The following C10orf90 variants were observed in gnomAD, a reference collection of about 807,000 sequenced individuals.
The protein encoded by C10orf90 is chromosome 10 open reading frame 90, also known as (E2-independent) E3 ubiquitin-conjugating enzyme FATS.
Under a neutral mutation model 62.5 loss-of-function variants are expected in C10orf90, and 56 were observed. The observed-to-expected ratio is 0.90, with a 90% CI of 0.72 to 1.12. The LOEUF is 1.12. Ranked by LOEUF, C10orf90 falls within the 50% of genes most tolerant of loss-of-function variation. The probability of loss-of-function intolerance (pLI) is 0.00; values close to 1 mark genes in which losing one functional copy is unlikely to be tolerated. For missense variants in C10orf90, 970 were observed against 880.4 expected (o/e 1.10, Z -1.29); for synonymous variants, 386 against 340.4 (o/e 1.13, Z -1.47).
At chr10:126,641,685 C>A (rs1020446411) in intron 2 of C10orf90, among the ~76,000 whole-genome samples, 1 of 152,004 alleles carries the variant, frequency 6.6e-6, no homozygotes, top group African/African-American at 2.4e-5. Context: ...GTTACAAAAT[C>A]TTTTTGTAAC....
chr10:126,655,743 G>A (rs1846380493), intron 1 of C10orf90, among the ~76,000 whole-genome samples: 1 of 151,654 alleles, frequency 6.6e-6, no homozygotes, highest in African/African-American at 2.4e-5. Context: ...ACACCTCAGA[G>A]AGTTCTGGGA....
chr10:126,629,338 C>G (rs1367193615), intron 2 of C10orf90, among the ~76,000 whole-genome samples: 1 of 152,216 alleles, frequency 6.6e-6, no homozygotes, highest in East Asian at 1.9e-4. Context: ...CAGACACTCT[C>G]TAGCAAAGAG....
At chr10:126,475,201 A>G (rs1860794785) in intron 4 of C10orf90, among the ~76,000 whole-genome samples, 1 of 152,196 alleles carries the variant, frequency 6.6e-6, no homozygotes, top group Admixed American at 6.5e-5. Context: ...CTATTTTGAA[A>G]GCCAAAAGGC....
Position 126,644,889 on chromosome 10 carries a change from C to G in C10orf90, c.313+1676G>C, listed in dbSNP as rs77770742. On this transcript the variant is annotated intron_variant, in intron 2 of 9. Coordinates refer to ENST00000488181, the MANE Select transcript of C10orf90 (RefSeq NM_001350921.2). ...GTTTTGGGAGCCTGCCTTTGCTGTT[C>G]AGACCACAAGAAGTGCCTGCAAATG... 6.8e-3 allele frequency among the ~76,000 whole-genome samples: 1,038 copies of G among 152,338 alleles called. 8 individuals are homozygous for G. Among genetic ancestry groups the G allele is most frequent in the Middle Eastern group, 0.027 (8 of 294 alleles).
At chr10:126,457,654 A>G (rs1859670798) in intron 7 of C10orf90, among the ~76,000 whole-genome samples, 1 of 152,160 alleles carries the variant, frequency 6.6e-6, no homozygotes, top group Non-Finnish European at 1.5e-5. Flanking sequence ...CTCAAGTAGC[A>G]TCTTCAGAAC....
chr10:126,468,333 C>T (rs1433726552), intron 4 of C10orf90, among the ~76,000 whole-genome samples: 1 of 152,182 alleles, frequency 6.6e-6, no homozygotes, highest in Non-Finnish European at 1.5e-5. Flanking sequence ...TCCTAAAGTG[C>T]TAGGATTACA....
At chr10:126,640,733 G>A (rs889907828) in intron 2 of C10orf90, among the ~76,000 whole-genome samples, 2 of 152,310 alleles carry the variant, frequency 1.3e-5, no homozygotes, top group Non-Finnish European at 2.9e-5. Flanking sequence ...GACAAGGAGA[G>A]AGATAGGCAA....
In C10orf90 at chr10:126,495,555, C is replaced by A. The variant is rs931408717; in HGVS notation, c.1534+8402G>T. Among the ~76,000 whole-genome samples, 3 of 152,306 alleles carry A rather than the reference C, an allele frequency of 2.0e-5. No homozygotes were observed. In the East Asian group the frequency reaches 5.8e-4, roughly 29 times the overall value. ...TATTTCTGCATTGAACAACAAACTA[C>A]TTTGACAACATCGTTTAAGAAGAAT... On this transcript the variant is annotated intron_variant, in intron 4 of 9. Transcript: ENST00000488181.
rs568141220 is a variant in C10orf90, at chr10:126,446,780, A to G, written c.2188+12260T>C. 2.6e-5 allele frequency among the ~76,000 whole-genome samples: 4 copies of G among 152,344 alleles called. No individual in the cohort carries two copies. The East Asian group carries it at 7.7e-4, about 29-fold the overall frequency. On this transcript the variant is annotated intron_variant, in intron 7 of 9. Coordinates refer to ENST00000488181, the MANE Select transcript of C10orf90 (RefSeq NM_001350921.2). ...GATAAAAATCACTTATATCTCTAGT[A>G]GAAAGGTTAAGTGACAAAACTATTT...
intron 4 of C10orf90, among the ~76,000 whole-genome samples, chr10:126,490,824 G>A (rs898037342): frequency 1.3e-5 from 2 of 151,890 alleles, no homozygotes; most frequent in South Asian, 2.1e-4. Context: ...AACATTGTAC[G>A]AAAAGCCTTA....
chr10:126,565,003 TAA>T (rs1374897775), intron 2 of C10orf90, among the ~76,000 whole-genome samples: 13 of 14,562 alleles, frequency 8.9e-4, no homozygotes, highest in African/African-American at 2.2e-3. Context: ...ATATTATATA[TAA>T]TATATATAAT....
chr10:126,595,166 A>G (rs1845059386), intron 2 of C10orf90, among the ~76,000 whole-genome samples: 2 of 152,170 alleles, frequency 1.3e-5, no homozygotes, highest in Admixed American at 1.3e-4. Flanking sequence ...CTGTGCAACC[A>G]CTTGCACTTA....
intron 2 of C10orf90, among the ~76,000 whole-genome samples, chr10:126,593,227 A>G (rs1158895434): frequency 1.3e-5 from 2 of 152,228 alleles, no homozygotes; most frequent in African/African-American, 2.4e-5. Flanking sequence ...TTATAAAGAT[A>G]CATGCACACA....
chr10:126,554,442 C>A lies in C10orf90; in HGVS notation c.314-40503G>T, dbSNP rs144828950. On this transcript the variant is annotated intron_variant, in intron 2 of 9. Coordinates refer to ENST00000488181, the MANE Select transcript of C10orf90 (RefSeq NM_001350921.2). ...AGCCTTCTGAATTACTGGACATACT[C>A]TATTTTGATTTGGGTGGTGATTATA... is the stretch of plus-strand genomic sequence containing the variant. Among the ~76,000 whole-genome samples, 330 of 152,232 alleles carry A rather than the reference C, an allele frequency of 2.2e-3. 1 individual carries two copies. Among genetic ancestry groups the A allele is most frequent in the African/African-American group, 7.0e-3 (291 of 41,518 alleles).
chr10:126,516,965 T>C (rs894126097), intron 2 of C10orf90, among the ~76,000 whole-genome samples: 3 of 152,166 alleles, frequency 2.0e-5, no homozygotes, highest in Admixed American at 6.5e-5. Context: ...GTAAGGACCC[T>C]TGGATTAGAT....
intron 2 of C10orf90, among the ~76,000 whole-genome samples, chr10:126,588,232 C>T (rs1264115375): frequency 2.0e-5 from 3 of 152,198 alleles, no homozygotes; most frequent in South Asian, 2.1e-4. Context: ...GGAAGGGTGA[C>T]GGCAGTCTCT....
intron 2 of C10orf90, among the ~76,000 whole-genome samples, chr10:126,631,985 G>A (rs1158682380): frequency 2.0e-5 from 3 of 152,010 alleles, no homozygotes; most frequent in Non-Finnish European, 2.9e-5. Flanking sequence ...CAGTAGAGCT[G>A]GAATACAGTG....
In C10orf90 at chr10:126,432,353, C is replaced by T. The variant is rs111264393; in HGVS notation, c.2189-2503G>A. On this transcript the variant is annotated intron_variant, in intron 7 of 9. Coordinates refer to ENST00000488181, the MANE Select transcript of C10orf90 (RefSeq NM_001350921.2). ...TCCAAAATTCATTTCTTAGATATGC[C>T]TTTCTCCTTCCTTCTACATTTAACG... Among the ~76,000 whole-genome samples, 457 of 152,294 alleles carry T rather than the reference C, an allele frequency of 3.0e-3. 2 individuals carry two copies. The highest frequency in any genetic ancestry group is 0.01 in the African/African-American group (433 of 41,554).
rs73370847 is a variant in C10orf90, at chr10:126,640,921, T to C, written c.313+5644A>G. Among the ~76,000 whole-genome samples the C allele has an allele frequency of 7.8e-3, 1,185 of 152,282 alleles. 17 individuals are homozygous for C. The highest frequency in any genetic ancestry group is 0.027 in the African/African-American group (1,108 of 41,562). ...CATTGATTGGAGATACTCTTATAAA[T>C]TGTTGAATACATGGCTTCTCCCATG... On this transcript the variant is annotated intron_variant, in intron 2 of 9. Coordinates refer to ENST00000488181, the MANE Select transcript of C10orf90 (RefSeq NM_001350921.2).
Sources: allele counts gnomAD v4.1 joint callset (sites outside exome capture counted in the v4.1 genomes callset), GRCh38; gene constraint gnomAD v4.1.1; transcripts MANE v1.5; gene names NCBI Gene and HGNC (gene_info 2026-07-23, HGNC 2026-07-21).